Variants in ERBB4 observed in about 807,000 individuals in gnomAD.
ERBB4 encodes the protein erb-b2 receptor tyrosine kinase 4.
A neutral mutation model predicts 158.0 loss-of-function variants in ERBB4; 42 were observed. The ratio of observed to expected loss-of-function variants is 0.27; its 90% CI spans 0.21 to 0.34. The LOEUF is 0.34. Among genes scored for constraint, ERBB4 ranks in the 10% least tolerant of loss-of-function variants. The pLI is 1.00. For missense variants in ERBB4, 1,333 were observed against 1,624.1 expected (o/e 0.82, Z 3.08); for synonymous variants, 583 against 558.7 (o/e 1.04, Z -0.61).
intron 20 of ERBB4, among the ~76,000 whole-genome samples, chr2:211,554,568 T>G (rs181322444): frequency 2.6e-5 from 4 of 152,322 alleles, no homozygotes; most frequent in East Asian, 3.9e-4. Flanking sequence ...CTCGCCCCAC[T>G]TTCCTGTAGA....
intron 2 of ERBB4, among the ~76,000 whole-genome samples, chr2:212,104,528 G>A (rs2079170688): frequency 6.6e-6 from 1 of 152,056 alleles, no homozygotes; most frequent in South Asian, 2.1e-4. Flanking sequence ...GTTTAGAACT[G>A]TAAATACATT....
rs569600898 is a variant in ERBB4 at position 211,631,007 on chromosome 2, A to G, written c.1947-413T>C. Among the ~76,000 whole-genome samples, 63 of 152,250 alleles carry G rather than the reference A, an allele frequency of 4.1e-4. No individual in the cohort carries two copies. In the South Asian group the frequency reaches 0.012, roughly 30 times the overall value. ...GTGGTTTGTAATTTTATTTCCAGTA[A>G]TTTCTCTGAAGCAGGCTTTCACAAC... On this transcript the variant is annotated intron_variant, in intron 16 of 27. Coordinates refer to ENST00000342788, the MANE Select transcript of ERBB4 (RefSeq NM_005235.3).
intron 3 of ERBB4, among the ~76,000 whole-genome samples, chr2:211,817,521 G>T (rs919067388): frequency 2.0e-5 from 3 of 152,088 alleles, no homozygotes; most frequent in African/African-American, 7.2e-5. Context: ...ACTTTGAAAA[G>T]GTATCATAAA....
At chr2:211,478,281 CA>C (rs2065004806) in intron 20 of ERBB4, among the ~76,000 whole-genome samples, 1 of 152,078 alleles carries the variant, frequency 6.6e-6, no homozygotes, top group Non-Finnish European at 1.5e-5. Flanking sequence ...ACTGAGATAC[CA>C]AGGATTCCTA....
intron 13 of ERBB4, among the ~76,000 whole-genome samples, chr2:211,674,795 C>T (rs891824692): frequency 6.6e-6 from 1 of 152,032 alleles, no homozygotes; most frequent in Non-Finnish European, 1.5e-5. Context: ...TGAGATTATC[C>T]ACTGGTTTTG....
intron 1 of ERBB4, among the ~76,000 whole-genome samples, chr2:212,240,665 A>AAAAAAAAAAAAAC (rs1559823350): frequency 4.3e-4 from 63 of 145,888 alleles, no homozygotes; most frequent in African/African-American, 1.7e-3. Flanking sequence ...AAAAAAAAAA[A>AAAAAAAAAAAAAC]AACAGAAAAA....
At chr2:212,425,362 A>ATGTATACATATATATGAACATATATGTG (rs1560285655) in intron 1 of ERBB4, among the ~76,000 whole-genome samples, 10 of 147,778 alleles carry the variant, frequency 6.8e-5, no homozygotes, top group South Asian at 4.2e-4. Flanking sequence ...ACATATATGT[A>ATGTATACATATATATGAACATATATGTG]TATGTATACA....
At chr2:211,524,833 C>T (rs1276795786) in intron 20 of ERBB4, among the ~76,000 whole-genome samples, 2 of 152,160 alleles carry the variant, frequency 1.3e-5, no homozygotes, top group African/African-American at 2.4e-5. Flanking sequence ...CACAGTGCAG[C>T]GGTGGGCTGA....
Position 211,441,635 on chromosome 2 carries a change from C to A in ERBB4, c.2488-10535G>T, listed in dbSNP as rs140971216. ...GAAGCTCCTGTGGAAATGCTGATAT[C>A]TTTTCTGGGGCTGCTATCTCTTGAT... On this transcript the variant is annotated intron_variant, in intron 20 of 27. Transcript: ENST00000342788. Among the ~76,000 whole-genome samples the A allele has an allele frequency of 5.5e-3, 837 of 152,216 alleles. 9 individuals carry two copies. The highest frequency in any genetic ancestry group is 0.019 in the African/African-American group (772 of 41,548).
rs987161117 is a variant in ERBB4, at chr2:211,902,288, C to T, written c.421+45142G>A. Among the ~76,000 whole-genome samples, 14 of 151,956 alleles carry T rather than the reference C, an allele frequency of 9.2e-5. No homozygotes were observed. The East Asian group carries it at 2.1e-3, about 23-fold the overall frequency. The stretch of plus-strand genomic sequence containing the variant: ...TAAATAGAAAATGTTTCTAATGAAA[C>T]GGTATAACGGTATTTTAAGGGGAGT... On this transcript the variant is annotated intron_variant, in intron 3 of 27. Coordinates refer to ENST00000342788, the MANE Select transcript of ERBB4 (RefSeq NM_005235.3).
chr2:211,749,653 G>A (rs1406519393), intron 5 of ERBB4, among the ~76,000 whole-genome samples: 4 of 151,936 alleles, frequency 2.6e-5, no homozygotes, highest in Admixed American at 2.6e-4. Flanking sequence ...TTCTTTGGTG[G>A]TTCACAATAA....
At chr2:211,849,791 C>T (rs1320814901) in intron 3 of ERBB4, among the ~76,000 whole-genome samples, 1 of 151,730 alleles carries the variant, frequency 6.6e-6, no homozygotes, top group Non-Finnish European at 1.5e-5. Flanking sequence ...ATTGGCATTC[C>T]AAAGAGTAGA....
chr2:211,481,055 C>T (rs890518065), intron 20 of ERBB4, among the ~76,000 whole-genome samples: 5 of 152,074 alleles, frequency 3.3e-5, no homozygotes, highest in African/African-American at 1.2e-4. Context: ...CTTGGTTCAC[C>T]AATTACACAC....
chr2:212,316,799 T>C (rs1448359416), intron 1 of ERBB4, among the ~76,000 whole-genome samples: 1 of 151,548 alleles, frequency 6.6e-6, no homozygotes, highest in Non-Finnish European at 1.5e-5. Flanking sequence ...TAAAAACCAC[T>C]GACATGTACA....
intron 1 of ERBB4, among the ~76,000 whole-genome samples, chr2:212,219,339 G>A (rs1385394119): frequency 6.6e-6 from 1 of 151,270 alleles, no homozygotes; most frequent in Middle Eastern, 3.2e-3. Flanking sequence ...CAATAAATAG[G>A]TGACTATGTC....
At chr2:211,878,010 A>T (rs2078555085) in intron 3 of ERBB4, among the ~76,000 whole-genome samples, 1 of 152,224 alleles carries the variant, frequency 6.6e-6, no homozygotes, top group Admixed American at 6.5e-5. Context: ...CAGGAGGCTG[A>T]GGAAGCAGAA....
chr2:212,054,723 T>C (rs888510320), intron 2 of ERBB4, among the ~76,000 whole-genome samples: 1 of 152,162 alleles, frequency 6.6e-6, no homozygotes, highest in African/African-American at 2.4e-5. Flanking sequence ...AGATGCTTTT[T>C]CTGGAAGATG....
intron 4 of ERBB4, among the ~76,000 whole-genome samples, chr2:211,782,758 C>T (rs2076067758): frequency 6.6e-6 from 1 of 152,138 alleles, no homozygotes; most frequent in Admixed American, 6.5e-5. Context: ...CAGTACCATG[C>T]TGTTTGGGTT....
At chr2:211,842,693 CA>C (rs1392471507) in intron 3 of ERBB4, among the ~76,000 whole-genome samples, 1 of 152,054 alleles carries the variant, frequency 6.6e-6, no homozygotes, top group Non-Finnish European at 1.5e-5. Context: ...CCGCCACTGA[CA>C]CAAACACTGA....
Sources: gnomAD v4.1 joint callset for allele counts (sites outside exome capture counted in the v4.1 genomes callset) on GRCh38, gnomAD v4.1.1 for gene constraint, MANE v1.5 for transcripts, NCBI Gene and HGNC (gene_info 2026-07-23, HGNC 2026-07-21) for gene names.